The following TUSC3 variants were observed in gnomAD, a reference collection of about 807,000 sequenced individuals.
The protein encoded by TUSC3 is dolichyl-diphosphooligosaccharide--protein glycosyltransferase subunit TUSC3.
Under a neutral mutation model 44.8 loss-of-function variants are expected in TUSC3, and 45 were observed. The observed-to-expected ratio is 1.00, with a 90% CI of 0.79 to 1.29. The LOEUF (loss-of-function observed/expected upper bound fraction) is 1.29, where lower values mean the gene tolerates loss of function less well. Ranked by LOEUF, TUSC3 falls within the 50% of genes most tolerant of loss-of-function variation. The probability of loss-of-function intolerance (pLI) is 0.00; values close to 1 mark genes in which losing one functional copy is unlikely to be tolerated. For missense variants in TUSC3, 519 were observed against 437.9 expected (o/e 1.19, Z -1.65); for synonymous variants, 212 against 152.9 (o/e 1.39, Z -2.85).
intron 1 of TUSC3, among the ~76,000 whole-genome samples, chr8:15,424,866 G>A (rs894349895): frequency 2.1e-5 from 3 of 144,232 alleles, no homozygotes; most frequent in Admixed American, 6.9e-5. Flanking sequence ...GTGACAGAGC[G>A]AGACTCTGTC....
chr8:15,444,781 T>C (rs548500114), intron 1 of TUSC3, among the ~76,000 whole-genome samples: 13 of 152,150 alleles, frequency 8.5e-5, no homozygotes, highest in Admixed American at 2.6e-4. Context: ...AAAAATAAAA[T>C]GTCTTCTTAC....
chr8:15,742,967 CAGTT>C (rs1160742452), intron 7 of TUSC3, among the ~76,000 whole-genome samples: 2 of 152,184 alleles, frequency 1.3e-5, no homozygotes, highest in Non-Finnish European at 2.9e-5. Flanking sequence ...CTTAAGGTAT[CAGTT>C]AGCTGACTAG....
chr8:15,428,023 GT>G (rs1337898822), intron 1 of TUSC3, among the ~76,000 whole-genome samples: 1 of 151,232 alleles, frequency 6.6e-6, no homozygotes, highest in East Asian at 1.9e-4. Context: ...CAACGTGCTG[GT>G]TTGTTACATA....
chr8:15,629,553 G>GT (rs71211066), intron 2 of TUSC3, among the ~76,000 whole-genome samples: 25,322 of 128,936 alleles, frequency 0.2, 2,579 homozygotes, highest in African/African-American at 0.25. Context: ...CGGCCATCTT[G>GT]TTTTTTTTTT....
chr8:15,551,458 AGT>A (rs1466986881), intron 1 of TUSC3, among the ~76,000 whole-genome samples: 1 of 151,766 alleles, frequency 6.6e-6, no homozygotes, highest in African/African-American at 2.4e-5. Flanking sequence ...AATTTAATTG[AGT>A]TATATGATTC....
intron 2 of TUSC3, among the ~76,000 whole-genome samples, chr8:15,637,344 T>A (rs961226597): frequency 2.6e-5 from 4 of 152,188 alleles, no homozygotes; most frequent in African/African-American, 9.6e-5. Flanking sequence ...TAATACAGAC[T>A]TCATTTCTGC....
intron 1 of TUSC3, among the ~76,000 whole-genome samples, chr8:15,578,520 A>G (rs1439391625): frequency 7.6e-6 from 1 of 131,688 alleles, no homozygotes; most frequent in Non-Finnish European, 1.6e-5. Flanking sequence ...AGTTTTTAGC[A>G]TGAAGGGTTG....
chr8:15,446,830 A>C (rs906528813), intron 1 of TUSC3, among the ~76,000 whole-genome samples: 58 of 151,658 alleles, frequency 3.8e-4, no homozygotes, highest in Non-Finnish European at 6.0e-4. Context: ...TCTTTAAAGG[A>C]GAGGCAGAAG....
intron 6 of TUSC3, among the ~76,000 whole-genome samples, chr8:15,706,154 A>C (rs1296792754): frequency 2.0e-5 from 3 of 152,028 alleles, no homozygotes; most frequent in Non-Finnish European, 4.4e-5. Flanking sequence ...ATAATATTGC[A>C]TACTGTTTCC....
intron 6 of TUSC3, among the ~76,000 whole-genome samples, chr8:15,718,233 C>G (rs2129202794): frequency 6.6e-6 from 1 of 152,194 alleles, no homozygotes; most frequent in South Asian, 2.1e-4. Context: ...ATTAAACATT[C>G]AGACAGAATC....
the TUSC3 span, among the ~76,000 whole-genome samples, chr8:15,780,837 T>G: frequency 6.6e-6 from 1 of 152,096 alleles, no homozygotes; most frequent in East Asian, 1.9e-4. Flanking sequence ...CAGGGGAAAC[T>G]GAGAATATGT....
intron 1 of TUSC3, among the ~76,000 whole-genome samples, chr8:15,578,710 G>A (rs1803207726): frequency 6.6e-6 from 1 of 151,912 alleles, no homozygotes; most frequent in African/African-American, 2.4e-5. Context: ...TGCTGGATTC[G>A]TTTTGCCAGT....
intron 2 of TUSC3, among the ~76,000 whole-genome samples, chr8:15,491,986 T>A (rs2129125908): frequency 6.6e-6 from 1 of 152,340 alleles, no homozygotes; most frequent in African/African-American, 2.4e-5. Flanking sequence ...ACCTCAAATC[T>A]CTGAGCAGTC....
At chr8:15,582,979 T>G (rs1445546624) in intron 1 of TUSC3, among the ~76,000 whole-genome samples, 6 of 152,194 alleles carry the variant, frequency 3.9e-5, no homozygotes, top group African/African-American at 1.4e-4. Context: ...ATCTTACATT[T>G]AGAGATCTGT....
intron 1 of TUSC3, among the ~76,000 whole-genome samples, chr8:15,434,032 A>G (rs1251849067): frequency 6.6e-6 from 1 of 152,208 alleles, no homozygotes; most frequent in Non-Finnish European, 1.5e-5. Context: ...ATGAGAAACT[A>G]AACAGTTCCT....
At chr8:15,434,870 A>G (rs926039854) in intron 1 of TUSC3, among the ~76,000 whole-genome samples, 2 of 151,838 alleles carry the variant, frequency 1.3e-5, no homozygotes, top group South Asian at 2.1e-4. Context: ...TGAACTCATC[A>G]TTTTTTATGG....
intron 2 of TUSC3, among the ~76,000 whole-genome samples, chr8:15,522,390 A>G (rs547497605): frequency 6.6e-6 from 1 of 152,190 alleles, no homozygotes; most frequent in African/African-American, 2.4e-5. Context: ...GCGCCAGCAC[A>G]CATGTCTAAA....
intron 6 of TUSC3, among the ~76,000 whole-genome samples, chr8:15,692,072 C>T (rs190019489): frequency 8.5e-5 from 13 of 152,198 alleles, no homozygotes; most frequent in East Asian, 3.9e-4. Context: ...TGAGCCACCA[C>T]GCCTGGCACA....
At chr8:15,689,714 G>T (rs559039070) in intron 6 of TUSC3, among the ~76,000 whole-genome samples, 2 of 151,796 alleles carry the variant, frequency 1.3e-5, no homozygotes, top group African/African-American at 2.4e-5. Flanking sequence ...GCTCTATTTG[G>T]TTTTCTCTTC....
Sources: allele counts gnomAD v4.1 joint callset (sites outside exome capture counted in the v4.1 genomes callset), GRCh38; gene constraint gnomAD v4.1.1; transcripts MANE v1.5; gene names NCBI Gene and HGNC (gene_info 2026-07-23, HGNC 2026-07-21).